ATP6V1F: variants seen among roughly 807,000 people sequenced by gnomAD.
ATP6V1F encodes the protein ATPase H+ transporting V1 subunit F.
Under a neutral mutation model 6.6 loss-of-function variants are expected in ATP6V1F, and 4 were observed. The observed-to-expected ratio is 0.60, with a 90% CI of 0.30 to 1.38. The LOEUF (loss-of-function observed/expected upper bound fraction) is 1.38, where lower values mean the gene tolerates loss of function less well. Ranked by LOEUF, ATP6V1F falls within the 40% of genes most tolerant of loss-of-function variation. The pLI is 0.08. For synonymous variants in ATP6V1F, 68 were observed against 66.9 expected (o/e 1.02, Z -0.08); for missense variants, 136 against 165.5 (o/e 0.82, Z 0.98).
intron 1 of ATP6V1F, 80 bp downstream of exon 1, chr7:128,863,142 G>T (rs919292406): frequency 8.5e-6 from 13 of 1,521,506 alleles, no homozygotes; most frequent in African/African-American, 2.9e-5. Flanking sequence ...TGCCCGGACG[G>T]GGGTGAGGGG....
intron 1 of ATP6V1F, among the ~76,000 whole-genome samples, chr7:128,864,114 C>T (rs552696868): frequency 6.8e-4 from 104 of 152,214 alleles, no homozygotes; most frequent in Non-Finnish European, 1.1e-3. Flanking sequence ...GAGGCCGAGG[C>T]GGGTGGATCA....
At position 128,865,243 on chromosome 7, in the gene ATP6V1F, T is replaced by G. The variant is rs757706543; in HGVS notation, c.159-134T>G. On this transcript the variant is annotated intron_variant, in intron 1 of 1. Transcript: ENST00000249289. The surrounding 1 kb of genome is among the most constrained non-coding windows in gnomAD (Gnocchi z 4.4). ...GGGTTGAGCGTGGCAGCCTTTCCCC[T>G]TGTCCTCTGTGCCCTCTGGGTCATG... The G allele has an allele frequency of 9.0e-6, 14 of 1,547,700 alleles. No individual in the cohort carries two copies. In the Admixed American group the frequency reaches 2.3e-4, roughly 26 times the overall value.
Position 128,865,269 on chromosome 7 carries a change from C to T in ATP6V1F, c.159-108C>T, listed in dbSNP as rs958247203. The T allele has an allele frequency of 5.8e-5, 90 of 1,564,990 alleles. No individual in the cohort carries two copies. Among genetic ancestry groups the T allele is most frequent in the Non-Finnish European group, 7.6e-5 (87 of 1,151,216 alleles). ...TGTCCTCTGTGCCCTCTGGGTCATG[C>T]TCATTCCCCTCCACAGCCCAGCCCA... is the stretch of plus-strand genomic sequence containing the variant. On this transcript the variant is annotated intron_variant, in intron 1 of 1. Coordinates refer to ENST00000249289, the MANE Select transcript of ATP6V1F (RefSeq NM_004231.4). The surrounding 1 kb of genome is among the most constrained non-coding windows in gnomAD (Gnocchi z 4.4).
Position 128,865,200 on chromosome 7 carries a change from C to G in ATP6V1F, c.159-177C>G. ...CCTCCGCTTTGGGATGAAATTGATT[C>G]TAGGTAGGGTTGACAGAGGGTTGAG... On this transcript the variant is annotated intron_variant, in intron 1 of 1. Coordinates refer to ENST00000249289, the MANE Select transcript of ATP6V1F (RefSeq NM_004231.4). The surrounding 1 kb of genome is among the most constrained non-coding windows in gnomAD (Gnocchi z 4.4). The G allele has an allele frequency of 6.5e-7, 1 of 1,538,240 alleles. No individual in the cohort carries two copies. The highest frequency in any genetic ancestry group is 8.7e-7 in the Non-Finnish European group (1 of 1,146,954).
At chr7:128,864,079 C>T (rs77626577) in intron 1 of ATP6V1F, among the ~76,000 whole-genome samples, 2,913 of 152,312 alleles carry the variant, frequency 0.019, 79 homozygotes, top group African/African-American at 0.058. Context: ...TGCAGTGGCT[C>T]ACGCCTGTAA....
rs751485057 is a variant in ATP6V1F at position 128,862,898 on chromosome 7, T to A, written c.-7T>A. On this transcript the variant is annotated 5_prime_UTR_variant, in exon 1 of 2. Coordinates refer to ENST00000249289, the MANE Select transcript of ATP6V1F (RefSeq NM_004231.4). ...TGCTCTAGGGTGAGCTCTGCCCGGC[T>A]GCAGGGATGGCGGGGAGGGGTAAGC... 6 of 1,591,054 alleles carry A rather than the reference T, an allele frequency of 3.8e-6. No homozygotes were observed. The highest frequency in any genetic ancestry group is 1.8e-5 in the Admixed American group (1 of 55,530).
intron 1 of ATP6V1F, among the ~76,000 whole-genome samples, chr7:128,863,332 T>G (rs1809314308): frequency 6.6e-6 from 1 of 152,192 alleles, no homozygotes; most frequent in African/African-American, 2.4e-5. Flanking sequence ...GCTTGGACTT[T>G]GTTCTGCTTT....
chr7:128,864,256 ATTGT>A (rs1186966416), intron 1 of ATP6V1F, among the ~76,000 whole-genome samples: 4 of 152,262 alleles, frequency 2.6e-5, no homozygotes, highest in African/African-American at 9.6e-5. Flanking sequence ...AGGAAGGAGA[ATTGT>A]TTGAACCTGG....
chr7:128,865,590 T>G lies in ATP6V1F; in HGVS notation c.*12T>G, dbSNP rs1300295671. The G allele has an allele frequency of 6.2e-7, 1 of 1,608,092 alleles. No homozygotes were observed. The highest frequency in any genetic ancestry group is 8.5e-7 in the Non-Finnish European group (1 of 1,175,922). On this transcript the variant is annotated 3_prime_UTR_variant, in exon 2 of 2. Transcript: ENST00000249289. The surrounding 1 kb of genome is among the most constrained non-coding windows in gnomAD (Gnocchi z 4.4). ...AAGACCTGCGCTAGGGGACTCCTCA[T>G]AGCCCTCAGCCCTTCCCTCGTTTCC...
Position 128,865,697 on chromosome 7 carries a change from T to A in ATP6V1F, c.*119T>A. The A allele has an allele frequency of 1.7e-6, 2 of 1,164,716 alleles. No homozygotes were observed. Among genetic ancestry groups the A allele is most frequent in the Non-Finnish European group, 2.4e-6 (2 of 840,098 alleles). The allele number at this position is 1,164,716 out of a possible 1,614,324, so 72.1% of individuals were successfully genotyped here. A position where few individuals can be genotyped will look rare whatever the true frequency, so the allele number is the denominator to read the frequency against. On this transcript the variant is annotated 3_prime_UTR_variant, in exon 2 of 2. Coordinates refer to ENST00000249289, the MANE Select transcript of ATP6V1F (RefSeq NM_004231.4). This position sits in a 1 kb window ranked among gnomAD's most constrained non-coding sequence, Gnocchi z 4.4. ...AATTCCCTGCTCCTTCCCACTCCAT[T>A]AAGAGGCTAGGTGAGGCGCTTCTAG...
chr7:128,863,189 G>A, intron 1 of ATP6V1F, 127 bp downstream of exon 1: 2 of 1,216,068 alleles, frequency 1.6e-6, no homozygotes, highest in East Asian at 2.6e-5. Flanking sequence ...CCGGAGCGGA[G>A]GCCTCCGCGC....
rs113816833 is a variant in ATP6V1F, at chr7:128,862,893, C to G, written c.-12C>G. 3.8e-6 allele frequency: 6 copies of G among 1,583,794 alleles called. No homozygotes were observed. Among genetic ancestry groups the G allele is most frequent in the South Asian group, 3.4e-5 (3 of 87,474 alleles). On this transcript the variant is annotated 5_prime_UTR_variant, in exon 1 of 2. Transcript: ENST00000249289. ...TCTGGTGCTCTAGGGTGAGCTCTGCCCGGCTGCAGGGATGGCGGGGAGGGG... is the reference window on the plus strand; with the variant it reads ...TCTGGTGCTCTAGGGTGAGCTCTGCGCGGCTGCAGGGATGGCGGGGAGGGG...
At chr7:128,863,134 C>T in intron 1 of ATP6V1F, 72 bp downstream of exon 1, 2 of 1,546,616 alleles carry the variant, frequency 1.3e-6, no homozygotes, top group Non-Finnish European at 1.7e-6. Context: ...CTGGAGGCTG[C>T]CCGGACGGGG....
Position 128,865,397 on chromosome 7 carries a change from A to G in ATP6V1F, c.179A>G (p.Asp60Gly). 1 of 1,614,136 alleles carries G rather than the reference A, an allele frequency of 6.2e-7. No individual in the cohort carries two copies. Among genetic ancestry groups the G allele is most frequent in the South Asian group, 1.1e-5 (1 of 91,086 alleles). Residue 60 changes from aspartate to glycine, a missense_variant, in exon 2 of 2, where the codon GAC (aspartate) becomes GGC (glycine). Transcript: ENST00000249289. This position sits in a 1 kb window ranked among gnomAD's most constrained non-coding sequence, Gnocchi z 4.4. Reference sequence around the variant, plus strand: ...CACAGGCAATTTCTAAACCGGGATGACATTGGCATCATCCTCATCAACCAG... The same window carrying G: ...CACAGGCAATTTCTAAACCGGGATGGCATTGGCATCATCCTCATCAACCAG... ...DTFRQFLNRD[D>G]IGIILINQYI... is the part of the protein sequence containing the mutation.
rs555540762 is a variant in ATP6V1F, at chr7:128,864,594, G to A, written c.159-783G>A. Among the ~76,000 whole-genome samples the A allele has an allele frequency of 3.5e-4, 51 of 146,326 alleles. 1 individual carries two copies. The highest frequency in any genetic ancestry group is 3.3e-3 in the Admixed American group (49 of 14,688). ...ATTTGTTTTCTTTTTAAAAGTTAAT[G>A]TGTCTTTTTTTTTTTTTTTTTCTGA... On this transcript the variant is annotated intron_variant, in intron 1 of 1. Coordinates refer to ENST00000249289, the MANE Select transcript of ATP6V1F (RefSeq NM_004231.4).
Position 128,865,479 on chromosome 7 carries a change from T to C in ATP6V1F, c.261T>C (p.Ala87=), listed in dbSNP as rs767465115. ...ALDAHQQSIP[A]VLEIPSKEHP... is the part of the protein sequence containing the mutation. ...ACGCCCACCAGCAGTCCATCCCCGC[T>C]GTCCTGGAGATCCCCTCCAAGGAGC... Residue 87 remains alanine, a synonymous_variant, in exon 2 of 2, where the codon GCT becomes GCC. Transcript: ENST00000249289. This position sits in a 1 kb window ranked among gnomAD's most constrained non-coding sequence, Gnocchi z 4.4. The C allele has an allele frequency of 6.2e-7, 1 of 1,614,162 alleles. No individual in the cohort carries two copies. Among genetic ancestry groups the C allele is most frequent in the Admixed American group, 1.7e-5 (1 of 60,030 alleles).
At chr7:128,864,859 A>T in intron 1 of ATP6V1F, 1 of 433,782 alleles carries the variant, frequency 2.3e-6, no homozygotes, top group Non-Finnish European at 4.3e-6. Context: ...GTGTATATAT[A>T]GATAGAGAGA....
chr7:128,865,335 C>T lies in ATP6V1F; in HGVS notation c.159-42C>T, dbSNP rs771728826. 3 of 1,609,470 alleles carry T rather than the reference C, an allele frequency of 1.9e-6. No homozygotes were observed. Among genetic ancestry groups the T allele is most frequent in the East Asian group, 2.2e-5 (1 of 44,838 alleles). On this transcript the variant is annotated intron_variant, in intron 1 of 1. Transcript: ENST00000249289. This position sits in a 1 kb window ranked among gnomAD's most constrained non-coding sequence, Gnocchi z 4.4. The stretch of plus-strand genomic sequence containing the variant: ...CTGCCTGGGTAGGAGAGACGGCAGC[C>T]CCCAGAGCTGTCCTGGACTCCCTTC...
rs747850473 is a variant in ATP6V1F, at chr7:128,865,429, G to A, written c.211G>A (p.Ala71Thr). ...IGIILINQYI[A>T]EMVRHALDAH... is the part of the protein sequence containing the mutation. ...CATCATCCTCATCAACCAGTACATC[G>A]CAGAGATGGTGCGGCATGCCCTGGA... The change falls in exon 2 of 2, where the codon GCA (alanine) becomes ACA (threonine). Residue 71 changes from alanine to threonine, a missense_variant. By Grantham distance (58) the Ala-to-Thr change is moderately conservative. Transcript: ENST00000249289. The surrounding 1 kb of genome is among the most constrained non-coding windows in gnomAD (Gnocchi z 4.4). 1.5e-5 allele frequency: 24 copies of A among 1,614,134 alleles called. No homozygotes were observed. In the Admixed American group the frequency reaches 1.8e-4, roughly 12 times the overall value.
Sources: gnomAD v4.1 joint callset for allele counts (sites outside exome capture counted in the v4.1 genomes callset) on GRCh38, gnomAD v4.1.1 for gene constraint, Gnocchi (gnomAD v3.1) non-coding constraint, MANE v1.5 for transcripts, NCBI Gene and HGNC (gene_info 2026-07-23, HGNC 2026-07-21) for gene names.